Variants in KIF11 observed in about 807,000 individuals in gnomAD.
The protein encoded by KIF11 is kinesin-like protein KIF11.
In KIF11, 9 loss-of-function variants were observed where a neutral mutation model predicts 121.0. The ratio of observed to expected loss-of-function variants is 0.07; its 90% CI spans 0.04 to 0.13. The LOEUF (loss-of-function observed/expected upper bound fraction) is 0.13. Ranked by LOEUF, KIF11 falls within the 10% of genes least tolerant of loss-of-function variation. The pLI is 1.00. For synonymous variants in KIF11, 408 were observed against 421.0 expected (o/e 0.97, Z 0.38); for missense variants, 846 against 1,217.5 (o/e 0.69, Z 4.54).
At chr10:92,633,272 T>C (rs1313922460) in intron 13 of KIF11, among the ~76,000 whole-genome samples, 3 of 152,112 alleles carry the variant, frequency 2.0e-5, no homozygotes, top group African/African-American at 7.2e-5. Context: ...CCAAGCACTA[T>C]ACTTTTTGGT....
At chr10:92,618,278 GTT>G (rs3980476) in intron 9 of KIF11, among the ~76,000 whole-genome samples, 101,106 of 145,536 alleles carry the variant, frequency 0.69, 35,799 homozygotes, top group East Asian at 0.92. Context: ...TTTCCTTGAT[GTT>G]TTTTTTTTTT....
At chr10:92,595,086 C>T (rs1446039353) in intron 1 of KIF11, among the ~76,000 whole-genome samples, 7 of 152,188 alleles carry the variant, frequency 4.6e-5, no homozygotes, top group African/African-American at 1.4e-4. Flanking sequence ...TTTTTTGAGA[C>T]GGAGTCTCGC....
chr10:92,610,444 T>G (rs1844483361), intron 6 of KIF11, among the ~76,000 whole-genome samples: 1 of 152,178 alleles, frequency 6.6e-6, no homozygotes, highest in Non-Finnish European at 1.5e-5. Context: ...TGTCATAAAT[T>G]TACGTAAGTT....
intron 18 of KIF11, among the ~76,000 whole-genome samples, chr10:92,647,469 A>C (rs1844932061): frequency 6.6e-6 from 1 of 152,184 alleles, no homozygotes; most frequent in Non-Finnish European, 1.5e-5. Context: ...AGACCTATGA[A>C]CCAAATCTAG....
At chr10:92,646,038 G>A (rs891981403) in intron 18 of KIF11, among the ~76,000 whole-genome samples, 2 of 142,022 alleles carry the variant, frequency 1.4e-5, no homozygotes, top group African/African-American at 2.6e-5. Flanking sequence ...TGCAACCTCC[G>A]CCTCCCAAGT....
chr10:92,651,809 C>A (rs2135926972), intron 21 of KIF11, among the ~76,000 whole-genome samples: 1 of 151,972 alleles, frequency 6.6e-6, no homozygotes, highest in Admixed American at 6.6e-5. Context: ...AATACAACTT[C>A]CAAGTGAGGC....
intron 10 of KIF11, among the ~76,000 whole-genome samples, chr10:92,621,873 C>G: frequency 6.6e-6 from 1 of 152,298 alleles, no homozygotes; most frequent in South Asian, 2.1e-4. Context: ...AAATCTTTTA[C>G]TAACTTTTAA....
intron 14 of KIF11, among the ~76,000 whole-genome samples, chr10:92,635,353 G>C (rs1844784658): frequency 6.6e-6 from 1 of 152,186 alleles, no homozygotes; most frequent in Non-Finnish European, 1.5e-5. Context: ...ATACTTCAGA[G>C]ATATTGCAGG....
chr10:92,624,502 G>A (rs971905169), intron 10 of KIF11, among the ~76,000 whole-genome samples: 6 of 151,832 alleles, frequency 4.0e-5, no homozygotes, highest in African/African-American at 1.2e-4. Flanking sequence ...GTATCCTGGC[G>A]TACTGGGATT....
intron 8 of KIF11, among the ~76,000 whole-genome samples, chr10:92,616,119 G>A (rs12252642): frequency 0.078 from 11,804 of 151,896 alleles, 1,081 homozygotes; most frequent in African/African-American, 0.22. Flanking sequence ...TTACAGGTGT[G>A]AGCCACTGTG....
At chr10:92,600,181 T>C (rs1442863527) in intron 1 of KIF11, among the ~76,000 whole-genome samples, 2 of 151,216 alleles carry the variant, frequency 1.3e-5, no homozygotes, top group East Asian at 3.9e-4. Flanking sequence ...ATTTTTGTAT[T>C]TTTAGTAGAG....
At chr10:92,636,468 T>G (rs1052092885) in intron 14 of KIF11, among the ~76,000 whole-genome samples, 2 of 151,378 alleles carry the variant, frequency 1.3e-5, no homozygotes, top group South Asian at 2.1e-4. Flanking sequence ...ATACAAACAT[T>G]AGCTAGGCGT....
intron 6 of KIF11, among the ~76,000 whole-genome samples, chr10:92,609,992 C>T (rs1436852213): frequency 6.6e-6 from 1 of 152,170 alleles, no homozygotes; most frequent in Non-Finnish European, 1.5e-5. Context: ...CTGCCTTGGC[C>T]TCCCAAAGTG....
At chr10:92,617,036 G>A (rs906981907) in intron 9 of KIF11, among the ~76,000 whole-genome samples, 3 of 152,046 alleles carry the variant, frequency 2.0e-5, no homozygotes, top group Non-Finnish European at 4.4e-5. Context: ...TATCAACTGA[G>A]TTGGTACTCT....
Position 92,605,482 on chromosome 10 carries a change from ATT to A in KIF11, c.78-763_78-762del, listed in dbSNP as rs58660991. 2.1e-3 allele frequency among the ~76,000 whole-genome samples: 211 copies of A among 98,264 alleles called. 3 individuals carry two copies. The highest frequency in any genetic ancestry group is 5.1e-3 in the African/African-American group (124 of 24,250). 64.5% of individuals were successfully genotyped at this position (98,264 alleles called of 152,430 possible). A position where few individuals can be genotyped will look rare whatever the true frequency, so the allele number is the denominator to read the frequency against. ...CTACATCATAACCTAATTTGATCGG[ATT>A]TTTTTTTTTTTTTTTTTTTGAGACG... On this transcript the variant is annotated intron_variant, in intron 1 of 21. Coordinates refer to ENST00000260731, the MANE Select transcript of KIF11 (RefSeq NM_004523.4).
At position 92,609,487 on chromosome 10, in the gene KIF11, A is replaced by G; in HGVS notation, c.676A>G (p.Thr226Ala). The change falls in exon 6 of 22, where the codon ACT becomes GCT. Residue 226 changes from threonine to alanine, a missense_variant. Thr to Ala is a moderately conservative substitution (Grantham distance 58, BLOSUM62 0). This residue lies in a region of KIF11 where 116 missense variants were observed against 285.3 expected (regional missense o/e 0.41). Transcript: ENST00000260731. ...KGAAKRTTAA[T>A]LMNAYSSRSH... ...GGCAGCAAAAAGGACAACTGCAGCT[A>G]CTCTGATGAATGCATACTCTAGGTA... The G allele has an allele frequency of 6.2e-7, 1 of 1,613,456 alleles. No individual in the cohort carries two copies. Among genetic ancestry groups the G allele is most frequent in the Non-Finnish European group, 8.5e-7 (1 of 1,179,748 alleles).
intron 10 of KIF11, among the ~76,000 whole-genome samples, chr10:92,627,267 A>C (rs1216972586): frequency 2.6e-5 from 4 of 152,222 alleles, no homozygotes; most frequent in South Asian, 2.1e-4. Flanking sequence ...TCAAAGAATT[A>C]GATGAGCAAA....
At position 92,653,776 on chromosome 10, in the gene KIF11, C is replaced by T; in HGVS notation, c.3151C>T (p.Arg1051Ter). The T allele has an allele frequency of 4.3e-6, 7 of 1,613,350 alleles. No individual in the cohort carries two copies. Among genetic ancestry groups the T allele is most frequent in the Non-Finnish European group, 5.1e-6 (6 of 1,179,728 alleles). Reference protein sequence around the residue: ...HLVTKSRLPLRAQINL With the variant: ...HLVTKSRLPL ...GGTTACAAAGAGCAGATTACCTCTG[C>T]GAGCCCAGATCAACCTTTAATTCAC... The change falls in exon 22 of 22, where the codon CGA (arginine) becomes TGA (stop). Residue 1051 changes from arginine (R) to a stop codon, truncating the protein, a stop_gained. Coordinates refer to ENST00000260731, the MANE Select transcript of KIF11 (RefSeq NM_004523.4). LOFTEE classifies it high-confidence loss of function.
intron 10 of KIF11, among the ~76,000 whole-genome samples, chr10:92,624,200 A>G (rs1844646393): frequency 7.1e-6 from 1 of 141,046 alleles, no homozygotes; most frequent in South Asian, 2.3e-4. Flanking sequence ...AGCTCCATCC[A>G]TGTTGCTGCA....
Sources: gnomAD v4.1 joint callset for allele counts (sites outside exome capture counted in the v4.1 genomes callset) on GRCh38, gnomAD v4.1.1 for gene constraint, gnomAD v4.1.1 regional missense constraint, MANE v1.5 for transcripts, NCBI Gene and HGNC (gene_info 2026-07-23, HGNC 2026-07-21) for gene names.